The following VPS13A variants were observed in gnomAD, a reference collection of about 807,000 sequenced individuals.
VPS13A encodes the protein intermembrane lipid transfer protein VPS13A.
A neutral mutation model predicts 390.9 loss-of-function variants in VPS13A; 264 were observed. The ratio of observed to expected loss-of-function variants is 0.68; its 90% confidence interval spans 0.61 to 0.75. The LOEUF is 0.75. VPS13A is among the 30% of genes least tolerant of loss of function. The pLI is 0.00. For missense variants in VPS13A, 3,409 were observed against 3,733.9 expected, an observed-to-expected ratio of 0.91 and a Z score of 2.27; for synonymous variants, 1,231 against 1,227.1, an observed-to-expected ratio of 1.00 and a Z score of -0.07.
intron 1 of VPS13A, among the ~76,000 whole-genome samples, chr9:77,196,211 ATGTAT>A (rs895169700): frequency 5.3e-5 from 8 of 151,738 alleles, no homozygotes; most frequent in African/African-American, 1.9e-4. Flanking sequence ...TTTAATTGAC[ATGTAT>A]TGTGCATATT....
At chr9:77,339,027 A>C (rs187305969) in intron 47 of VPS13A, 12 of 174,606 alleles carry the variant, frequency 6.9e-5, no homozygotes, top group Admixed American at 6.3e-4. Flanking sequence ...CAGTTTGGAG[A>C]GATACATATG....
intron 68 of VPS13A, chr9:77,390,256 A>G (rs1319469442): frequency 1.2e-5 from 4 of 320,832 alleles, no homozygotes; most frequent in Non-Finnish European, 1.8e-5. Flanking sequence ...AGAGAGCCAA[A>G]TTGTGTTATC....
Position 77,419,079 on chromosome 9 carries a change from AT to A in VPS13A, c.*3075del, listed in dbSNP as rs1835264521. On this transcript the variant is annotated 3_prime_UTR_variant, in exon 72 of 72. Coordinates refer to ENST00000360280, the MANE Select transcript of VPS13A (RefSeq NM_033305.3). ...GAAGCTCAAAGTGTGTACCAAATAC[AT>A]TGACAGTGGATGCTTTCATGGCTCA... The A allele has an allele frequency of 6.6e-6, 1 of 152,298 alleles. No homozygotes were observed. Among genetic ancestry groups the A allele is most frequent in the Admixed American group, 6.5e-5 (1 of 15,294 alleles). The allele number at this position is 152,298 out of a possible 1,614,324, so 9.4% of individuals were successfully genotyped here.
intron 68 of VPS13A, among the ~76,000 whole-genome samples, chr9:77,387,283 T>C (rs1488814685): frequency 6.6e-6 from 1 of 152,218 alleles, no homozygotes; most frequent in Non-Finnish European, 1.5e-5. Flanking sequence ...TGAACTCTTG[T>C]TTATCAATGG....
At chr9:77,182,527 A>G (rs1824085169) in intron 1 of VPS13A, among the ~76,000 whole-genome samples, 1 of 152,212 alleles carries the variant, frequency 6.6e-6, no homozygotes, top group African/African-American at 2.4e-5. Context: ...TTTTAAACAA[A>G]TGACACTGGG....
At chr9:77,378,690 C>CT (rs1224228211) in intron 67 of VPS13A, among the ~76,000 whole-genome samples, 1 of 151,544 alleles carries the variant, frequency 6.6e-6, no homozygotes, top group African/African-American at 2.4e-5. Flanking sequence ...TTCTCTATTT[C>CT]TTTTATCTCT....
chr9:77,350,625 C>G (rs1831401397), intron 52 of VPS13A, among the ~76,000 whole-genome samples: 1 of 152,074 alleles, frequency 6.6e-6, no homozygotes, highest in South Asian at 2.1e-4. Context: ...CATCATTGAA[C>G]TGTGAGAGTA....
At chr9:77,391,938 T>TTA (rs1332037415) in intron 68 of VPS13A, among the ~76,000 whole-genome samples, 1 of 152,204 alleles carries the variant, frequency 6.6e-6, no homozygotes, top group Non-Finnish European at 1.5e-5. Context: ...CTCTTGTAGA[T>TTA]AGTAGAGTTA....
intron 54 of VPS13A, among the ~76,000 whole-genome samples, chr9:77,355,788 C>G (rs1831742457): frequency 6.6e-6 from 1 of 152,184 alleles, no homozygotes; most frequent in South Asian, 2.1e-4. Flanking sequence ...CCTAATTCAT[C>G]AAGAAGATCT....
At chr9:77,338,164 G>A (rs1587613749) in intron 47 of VPS13A, 1 of 152,114 alleles carries the variant, frequency 6.6e-6, no homozygotes, top group East Asian at 1.9e-4. Context: ...TAATTTTGTA[G>A]GGACAGGGAC....
chr9:77,376,572 A>G (rs1833088994), intron 67 of VPS13A, among the ~76,000 whole-genome samples: 1 of 152,230 alleles, frequency 6.6e-6, no homozygotes, highest in Non-Finnish European at 1.5e-5. Context: ...CGTGAAGAAT[A>G]ATTCTAAAGT....
intron 31 of VPS13A, among the ~76,000 whole-genome samples, chr9:77,284,732 C>G (rs1417696577): frequency 2.0e-5 from 3 of 151,666 alleles, no homozygotes; most frequent in Non-Finnish European, 4.4e-5. Flanking sequence ...TTGAGACAGT[C>G]TTGCTCTATC....
At chr9:77,308,492 A>T (rs1197188995) in intron 35 of VPS13A, among the ~76,000 whole-genome samples, 3 of 152,112 alleles carry the variant, frequency 2.0e-5, no homozygotes, top group African/African-American at 7.2e-5. Context: ...ATCCCAAATG[A>T]ATCTTTTATA....
rs550352881 is a variant in VPS13A, at chr9:77,278,110, G to T, written c.2824+1889G>T. On this transcript the variant is annotated intron_variant, in intron 26 of 71. Transcript: ENST00000360280. The stretch of plus-strand genomic sequence containing the variant: ...TTTTGAGATGGAGTCTCGCTCTGTT[G>T]CCCAGGCTGGAGTGCAGTGGCATGA... Among the ~76,000 whole-genome samples the T allele has an allele frequency of 2.0e-3, 307 of 151,866 alleles. 1 individual carries two copies. The highest frequency in any genetic ancestry group is 7.2e-3 in the African/African-American group (299 of 41,434).
In VPS13A at chr9:77,283,654, A is replaced by G; in HGVS notation, c.3339+4A>G. 6.3e-7 allele frequency: 1 copy of G among 1,584,676 alleles called. No individual in the cohort carries two copies. The highest frequency in any genetic ancestry group is 8.6e-7 in the Non-Finnish European group (1 of 1,157,120). ...TATAACAGCTATATACAAAAAGGTA[A>G]GAATTCTTTTAATTAAATAATAGTA... On this transcript the variant is annotated splice_donor_region_variant and intron_variant, in intron 31 of 71. Transcript: ENST00000360280.
At chr9:77,409,057 G>C (rs1227778783) in intron 71 of VPS13A, among the ~76,000 whole-genome samples, 1 of 152,192 alleles carries the variant, frequency 6.6e-6, no homozygotes, top group African/African-American at 2.4e-5. Flanking sequence ...AGTAGGGGCA[G>C]ACTGACACCT....
chr9:77,178,663 T>G (rs975142666), intron 1 of VPS13A, among the ~76,000 whole-genome samples: 2 of 152,174 alleles, frequency 1.3e-5, no homozygotes, highest in Non-Finnish European at 2.9e-5. Context: ...CCGTTTAGTG[T>G]GGTATTCTGC....
Position 77,405,951 on chromosome 9 carries a change from C to T in VPS13A, c.9363C>T (p.Phe3121=). 6.2e-7 allele frequency: 1 copy of T among 1,613,904 alleles called. No individual in the cohort carries two copies. The highest frequency in any genetic ancestry group is 8.5e-7 in the Non-Finnish European group (1 of 1,179,970). ...TTGATGAATTTACCAAAGAGCCATT[C>T]ATTGTTCATGGGAGAAGATTGCGCA... The part of the protein sequence containing the change: ...YSFDEFTKEP[F]IVHGRRLRIE... Residue 3121 remains phenylalanine, a synonymous_variant, in exon 70 of 72, where the codon TTC becomes TTT. Transcript: ENST00000360280.
At chr9:77,399,243 T>C (rs1014152908) in intron 68 of VPS13A, among the ~76,000 whole-genome samples, 186 of 142,952 alleles carry the variant, frequency 1.3e-3, no homozygotes, top group African/African-American at 4.3e-3. Context: ...AACAGACTAC[T>C]ATGACCATAA....
Sources: gnomAD v4.1 joint callset for allele counts (sites outside exome capture counted in the v4.1 genomes callset) on GRCh38, gnomAD v4.1.1 for gene constraint, MANE v1.5 for transcripts, NCBI Gene and HGNC (gene_info 2026-07-23, HGNC 2026-07-21) for gene names.